The following PCYT1B variants were observed in gnomAD, a reference collection of about 807,000 sequenced individuals.
The protein encoded by PCYT1B is choline-phosphate cytidylyltransferase B.
In PCYT1B, 10 loss-of-function variants were observed where a neutral mutation model predicts 26.4. The ratio of observed to expected loss-of-function variants is 0.38; its 90% CI spans 0.23 to 0.64. The LOEUF (loss-of-function observed/expected upper bound fraction) is 0.64. Among genes scored for constraint, PCYT1B ranks in the 30% least tolerant of loss-of-function variants. The pLI is 0.56. For missense variants in PCYT1B, 161 were observed against 292.7 expected (o/e 0.55, Z 3.28); for synonymous variants, 131 against 108.4 (o/e 1.21, Z -1.29).
At chrX:24,638,584 G>C (rs906481106) in intron 1 of PCYT1B, among the ~76,000 whole-genome samples, 1 of 111,941 alleles carries the variant, frequency 8.9e-6, no homozygotes, top group Non-Finnish European at 1.9e-5. Flanking sequence ...TACCTTCCTT[G>C]CTTTTTTTTC....
upstream of PCYT1B, among the ~76,000 whole-genome samples, chrX:24,651,466 AAAAAAAAT>A (rs1926765518): frequency 3.5e-5 from 1 of 28,635 alleles, no homozygotes; most frequent in African/African-American, 1.3e-4. Context: ...AAAAAAAAAA[AAAAAAAAT>A]ATATATATAT....
At chrX:24,584,534 C>T (rs1924306968) in intron 5 of PCYT1B, among the ~76,000 whole-genome samples, 1 of 111,332 alleles carries the variant, frequency 9.0e-6, no homozygotes, top group Non-Finnish European at 1.9e-5. Flanking sequence ...TTATCCAATG[C>T]TCTTGACTTC....
chrX:24,574,325 C>A (rs1923951130), intron 7 of PCYT1B, among the ~76,000 whole-genome samples: 1 of 111,465 alleles, frequency 9.0e-6, no homozygotes, highest in Non-Finnish European at 1.9e-5. Context: ...CATCAACTCT[C>A]CTGATAATAC....
chrX:24,669,003 CTT>C (rs1323836201), intron 1 of PCYT1B, among the ~76,000 whole-genome samples: 2 of 111,475 alleles, frequency 1.8e-5, no homozygotes, highest in South Asian at 3.7e-4. Flanking sequence ...TCAAAGTTAA[CTT>C]TGTGCTATGC....
intron 1 of PCYT1B, among the ~76,000 whole-genome samples, chrX:24,659,925 C>T (rs1926994295): frequency 9.0e-6 from 1 of 111,558 alleles, no homozygotes; most frequent in South Asian, 3.8e-4. Context: ...TTGGGGGACA[C>T]GTTCAAACCA....
intron 4 of PCYT1B, among the ~76,000 whole-genome samples, 199 bp downstream of exon 4, chrX:24,589,824 C>G (rs1045551305): frequency 9.0e-6 from 1 of 111,162 alleles, no homozygotes; most frequent in Admixed American, 9.6e-5. Flanking sequence ...AGATCCAGGG[C>G]CCACACTCAA....
At chrX:24,654,084 T>TTTTC (rs1178544212) in intron 1 of PCYT1B, among the ~76,000 whole-genome samples, 43 of 77,468 alleles carry the variant, frequency 5.6e-4, no homozygotes, top group African/African-American at 1.9e-3. Flanking sequence ...TCCACGTTTC[T>TTTTC]TTTCTTTCTT....
chrX:24,672,779 C>T, upstream of PCYT1B: 1 of 449,328 alleles, frequency 2.2e-6, no homozygotes, highest in Non-Finnish European at 3.8e-6. Flanking sequence ...CGGAGGAGCT[C>T]GGAGTGTCCC....
chrX:24,644,936 C>T (rs1255472691), intron 1 of PCYT1B, among the ~76,000 whole-genome samples: 1 of 111,479 alleles, frequency 9.0e-6, no homozygotes, highest in African/African-American at 3.3e-5. Flanking sequence ...TGGTGCTGCC[C>T]ACCTGTAATC....
chrX:24,583,387 C>T (rs1472540421), intron 5 of PCYT1B, among the ~76,000 whole-genome samples: 1 of 111,570 alleles, frequency 9.0e-6, no homozygotes, highest in Admixed American at 9.6e-5. Flanking sequence ...CAGATGACCA[C>T]AGCCCCCACC....
intron 5 of PCYT1B, among the ~76,000 whole-genome samples, chrX:24,585,771 T>G (rs758743944): frequency 1.7e-4 from 19 of 111,373 alleles, no homozygotes; most frequent in Non-Finnish European, 3.4e-4. Flanking sequence ...TGATTTCACA[T>G]GTCAAGTGTA....
At chrX:24,612,728 T>C (rs1225488272) in intron 2 of PCYT1B, among the ~76,000 whole-genome samples, 1 of 112,262 alleles carries the variant, frequency 8.9e-6, no homozygotes, top group Admixed American at 9.5e-5. Flanking sequence ...GGAAAGCAGT[T>C]TGGCAGTTGT....
chrX:24,631,955 G>A (rs755618889), intron 1 of PCYT1B, among the ~76,000 whole-genome samples: 8 of 110,557 alleles, frequency 7.2e-5, no homozygotes, highest in Non-Finnish European at 1.5e-4. Context: ...TTGTCCCAGT[G>A]TTATGAATGT....
At chrX:24,594,971 CAT>C (rs1015311060) in intron 3 of PCYT1B, among the ~76,000 whole-genome samples, 16 of 111,610 alleles carry the variant, frequency 1.4e-4, no homozygotes, top group African/African-American at 5.2e-4. Flanking sequence ...GTCTTTAAAA[CAT>C]GGTGAAGTTT....
chrX:24,603,687 C>T (rs1033387019), intron 3 of PCYT1B, among the ~76,000 whole-genome samples: 5 of 109,027 alleles, frequency 4.6e-5, no homozygotes, highest in African/African-American at 1.7e-4. Context: ...TGCTCCACTG[C>T]ACTTCAGCCT....
At chrX:24,632,964 C>T (rs1452878486) in intron 1 of PCYT1B, among the ~76,000 whole-genome samples, 2 of 111,155 alleles carry the variant, frequency 1.8e-5, no homozygotes, top group African/African-American at 6.5e-5. Flanking sequence ...AATCCCAACA[C>T]TTTGGGAGGC....
In PCYT1B at chrX:24,562,133, G is replaced by C. The variant is rs1184397057; in HGVS notation, c.*160C>G. ...AACTCTTCAGCTGTACGGAGAGTGAGAGAGAACTGGTCCCAAGACCTTCCC... is the reference window on the plus strand; with the variant it reads ...AACTCTTCAGCTGTACGGAGAGTGACAGAGAACTGGTCCCAAGACCTTCCC... On this transcript the variant is annotated 3_prime_UTR_variant, in exon 8 of 8. Coordinates refer to ENST00000379144, the MANE Select transcript of PCYT1B (RefSeq NM_004845.5). 2.5e-6 allele frequency: 3 copies of C among 1,210,438 alleles called. No homozygotes were observed. The highest frequency in any genetic ancestry group is 2.2e-6 in the Non-Finnish European group (2 of 894,775).
In PCYT1B at chrX:24,590,134, G is replaced by A. The variant is rs757374830; in HGVS notation, c.375C>T (p.Thr125=). The A allele has an allele frequency of 3.1e-5, 37 of 1,208,103 alleles. No individual in the cohort carries two copies. Among genetic ancestry groups the A allele is most frequent in the Non-Finnish European group, 4.0e-5 (36 of 893,016 alleles). ...CGTATCTCTCGGCTTCATTCATCACGGTGAAACCTTTGAATTTGTGGGTGA... is the reference window on the plus strand; with the variant it reads ...CGTATCTCTCGGCTTCATTCATCACAGTGAAACCTTTGAATTTGTGGGTGA... ...DDLTHKFKGF[T]VMNEAERYEA... Residue 125 remains threonine, a synonymous_variant, in exon 4 of 8, where the codon ACC becomes ACT. Coordinates refer to ENST00000379144, the MANE Select transcript of PCYT1B (RefSeq NM_004845.5).
intron 1 of PCYT1B, among the ~76,000 whole-genome samples, chrX:24,670,391 G>T (rs1366588442): frequency 1.8e-5 from 2 of 112,337 alleles, no homozygotes; most frequent in Admixed American, 1.9e-4. Flanking sequence ...AGCAATGCTT[G>T]TAACTATTGG....
Sources: allele counts gnomAD v4.1 joint callset (sites outside exome capture counted in the v4.1 genomes callset), GRCh38; gene constraint gnomAD v4.1.1; transcripts MANE v1.5; gene names NCBI Gene and HGNC (gene_info 2026-07-23, HGNC 2026-07-21).